Variants in THADA observed in about 807,000 individuals in gnomAD.
The protein encoded by THADA is THADA armadillo repeat containing.
Under a neutral mutation model 219.8 loss-of-function variants are expected in THADA, and 213 were observed. The ratio of observed to expected loss-of-function variants is 0.97; its 90% CI spans 0.87 to 1.09. THADA has a LOEUF of 1.09. Ranked by LOEUF, THADA falls within the 50% of genes least tolerant of loss-of-function variation. The pLI, the probability that THADA is intolerant of heterozygous loss-of-function variation, is 0.00. For missense variants in THADA, 2,956 were observed against 2,311.3 expected, an observed-to-expected ratio of 1.28 and a Z score of -5.72; for synonymous variants, 1,018 against 828.9, an observed-to-expected ratio of 1.23 and a Z score of -3.92.
intron 22 of THADA, among the ~76,000 whole-genome samples, chr2:43,515,200 A>ATATATAATATATT (rs1491510909): frequency 1.2e-3 from 6 of 4,824 alleles, no homozygotes; most frequent in African/African-American, 9.0e-3. Flanking sequence ...TATTATATAT[A>ATATATAATATATT]ATATATAATA....
chr2:43,590,807 C>T lies in THADA; in HGVS notation c.302+17G>A, dbSNP rs763873872. On this transcript the variant is annotated intron_variant, in intron 4 of 37. Transcript: ENST00000405975. ...TCAACATTTATAACACCCAACTTCCCTTCCTTTTTTTCTTACCTTGCCAAT... is the reference window on the plus strand; with the variant it reads ...TCAACATTTATAACACCCAACTTCCTTTCCTTTTTTTCTTACCTTGCCAAT... The T allele has an allele frequency of 5.6e-5, 89 of 1,602,276 alleles. No individual in the cohort carries two copies. Among genetic ancestry groups the T allele is most frequent in the Non-Finnish European group, 7.4e-5 (87 of 1,175,606 alleles).
chr2:43,560,884 G>A (rs190505070), intron 15 of THADA, among the ~76,000 whole-genome samples: 2 of 152,056 alleles, frequency 1.3e-5, no homozygotes, highest in Admixed American at 1.3e-4. Context: ...AGGCATAGTG[G>A]CACACGACTG....
intron 37 of THADA, among the ~76,000 whole-genome samples, chr2:43,232,419 C>A (rs1404696144): frequency 1.3e-5 from 2 of 152,166 alleles, no homozygotes; most frequent in African/African-American, 4.8e-5. Flanking sequence ...ACCTCATGAT[C>A]CGCCTGCCTT....
At chr2:43,384,383 A>G (rs1255231704) in intron 29 of THADA, among the ~76,000 whole-genome samples, 3 of 151,984 alleles carry the variant, frequency 2.0e-5, no homozygotes, top group Non-Finnish European at 4.4e-5. Flanking sequence ...ACTGGTATTC[A>G]TTTTCTTCAG....
intron 28 of THADA, among the ~76,000 whole-genome samples, chr2:43,416,337 CA>C (rs1676966519): frequency 6.6e-6 from 1 of 152,148 alleles, no homozygotes; most frequent in Non-Finnish European, 1.5e-5. Context: ...TATTTTTCCA[CA>C]GTTTCTGCTA....
chr2:43,582,682 G>T (rs1357926366), intron 7 of THADA, among the ~76,000 whole-genome samples: 2 of 147,630 alleles, frequency 1.4e-5, no homozygotes, highest in African/African-American at 5.0e-5. Context: ...CGATTCTCCT[G>T]CCTCATCCTC....
chr2:43,398,390 C>A (rs970416120), intron 28 of THADA, among the ~76,000 whole-genome samples: 1 of 152,082 alleles, frequency 6.6e-6, no homozygotes, highest in Non-Finnish European at 1.5e-5. Context: ...GGGAATAAGA[C>A]AATAAACAGG....
At chr2:43,444,363 A>G (rs1681250900) in intron 26 of THADA, among the ~76,000 whole-genome samples, 1 of 152,202 alleles carries the variant, frequency 6.6e-6, no homozygotes, top group Admixed American at 6.5e-5. Context: ...CCGGAGCACT[A>G]ACCTTGACAC....
At chr2:43,388,886 G>A (rs947696671) in intron 29 of THADA, among the ~76,000 whole-genome samples, 1 of 151,320 alleles carries the variant, frequency 6.6e-6, no homozygotes, top group African/African-American at 2.4e-5. Context: ...TTAGCTCAAG[G>A]TCTTTTACTC....
intron 28 of THADA, among the ~76,000 whole-genome samples, chr2:43,399,616 T>C (rs1674535365): frequency 6.6e-6 from 1 of 152,078 alleles, no homozygotes; most frequent in Non-Finnish European, 1.5e-5. Context: ...ATTGGGTAGG[T>C]CCAGCAGCAC....
At chr2:43,475,693 A>G (rs917247278) in intron 26 of THADA, among the ~76,000 whole-genome samples, 1 of 152,238 alleles carries the variant, frequency 6.6e-6, no homozygotes, top group African/African-American at 2.4e-5. Flanking sequence ...AAAACTTAGT[A>G]AAGTCATGTG....
chr2:43,341,918 G>A (rs1667102229), intron 30 of THADA, among the ~76,000 whole-genome samples: 1 of 152,112 alleles, frequency 6.6e-6, no homozygotes, highest in Non-Finnish European at 1.5e-5. Flanking sequence ...AAATAAAATG[G>A]AGAAAACAAG....
intron 30 of THADA, among the ~76,000 whole-genome samples, chr2:43,323,774 G>A (rs995975893): frequency 1.3e-5 from 2 of 152,194 alleles, no homozygotes; most frequent in African/African-American, 4.8e-5. Context: ...AGGGTGGACT[G>A]GAGAAATGAA....
rs185361350 is a variant in THADA at position 43,372,556 on chromosome 2, A to G, written c.4227+25415T>C. 2.3e-3 allele frequency among the ~76,000 whole-genome samples: 356 copies of G among 152,246 alleles called. 1 individual carries two copies. The highest frequency in any genetic ancestry group is 0.01 in the Middle Eastern group (3 of 294). On this transcript the variant is annotated intron_variant, in intron 29 of 37. Coordinates refer to ENST00000405975, the MANE Select transcript of THADA (RefSeq NM_022065.5). ...TTTCTAACCCCTCTGGGAACTTTGC[A>G]TTGCAGAGTGTGAAGGTCCTCAAAT...
At chr2:43,350,116 G>GC (rs2104555715) in intron 29 of THADA, among the ~76,000 whole-genome samples, 1 of 152,290 alleles carries the variant, frequency 6.6e-6, no homozygotes, top group Non-Finnish European at 1.5e-5. Context: ...TCACTGGGTA[G>GC]AACAGGCAAA....
intron 31 of THADA, among the ~76,000 whole-genome samples, chr2:43,297,744 C>T (rs1186510443): frequency 1.6e-5 from 2 of 121,698 alleles, no homozygotes; most frequent in African/African-American, 3.5e-5. Context: ...GCCCCCCGCC[C>T]GGCCAGCCGC....
chr2:43,566,326 C>A (rs1287942874), intron 15 of THADA: 3 of 557,602 alleles, frequency 5.4e-6, no homozygotes, highest in East Asian at 6.1e-5. Flanking sequence ...CAGAGACTCA[C>A]TGAGAAATAT....
intron 7 of THADA, among the ~76,000 whole-genome samples, chr2:43,583,559 C>G (rs80075345): frequency 1.3e-5 from 2 of 152,182 alleles, no homozygotes; most frequent in South Asian, 4.1e-4. Context: ...TCCACTCCTA[C>G]GTATATACCC....
intron 9 of THADA, among the ~76,000 whole-genome samples, 173 bp downstream of exon 9, chr2:43,578,340 T>G (rs1044432612): frequency 6.7e-6 from 1 of 149,030 alleles, no homozygotes; most frequent in East Asian, 2.0e-4. Context: ...AGAGACAAGG[T>G]CTAGCTAAAC....
Sources: allele counts gnomAD v4.1 joint callset (sites outside exome capture counted in the v4.1 genomes callset), GRCh38; gene constraint gnomAD v4.1.1; transcripts MANE v1.5; gene names NCBI Gene and HGNC (gene_info 2026-07-23, HGNC 2026-07-21).